The following DYNC1LI1 variants were observed in gnomAD, a reference collection of about 807,000 sequenced individuals.
The protein encoded by DYNC1LI1 is dynein cytoplasmic 1 light intermediate chain 1.
A neutral mutation model predicts 63.8 loss-of-function variants in DYNC1LI1; 19 were observed. The ratio of observed to expected loss-of-function variants is 0.30; its 90% CI spans 0.21 to 0.44. The LOEUF (loss-of-function observed/expected upper bound fraction) is 0.44, where lower values mean the gene tolerates loss of function less well. DYNC1LI1 is among the 20% of genes least tolerant of loss of function. DYNC1LI1 has a pLI of 1.00. For missense variants in DYNC1LI1, 565 were observed against 630.2 expected, an observed-to-expected ratio of 0.90 and a Z score of 1.11; for synonymous variants, 225 against 232.3, an observed-to-expected ratio of 0.97 and a Z score of 0.28.
At chr3:32,539,737 A>G (rs1311002209) in intron 5 of DYNC1LI1, among the ~76,000 whole-genome samples, 18 of 149,500 alleles carry the variant, frequency 1.2e-4, no homozygotes, top group Admixed American at 2.0e-4. Context: ...GGGTTTCACC[A>G]TGTTAGCCAG....
intron 2 of DYNC1LI1, among the ~76,000 whole-genome samples, chr3:32,567,855 C>A (rs1265064772): frequency 1.3e-5 from 2 of 152,114 alleles, no homozygotes; most frequent in African/African-American, 4.8e-5. Flanking sequence ...AGGTGTGTGC[C>A]ACCATGCCCA....
chr3:32,546,457 C>A (rs1415494206), intron 2 of DYNC1LI1, among the ~76,000 whole-genome samples: 1 of 152,126 alleles, frequency 6.6e-6, no homozygotes, highest in Admixed American at 6.6e-5. Context: ...GACCAGGATT[C>A]TCTCTCCGTC....
At chr3:32,530,375 T>C in intron 9 of DYNC1LI1, 47 bp from the exon 10 acceptor site, 1 of 1,580,654 alleles carries the variant, frequency 6.3e-7, no homozygotes, top group Non-Finnish European at 8.6e-7. Flanking sequence ...ATTCATAGCA[T>C]ATACTGGTGT....
At chr3:32,532,485 GTGTATA>G (rs1697712619) in intron 8 of DYNC1LI1, 4 of 122,274 alleles carry the variant, frequency 3.3e-5, no homozygotes, top group South Asian at 2.8e-4. Context: ...AAAAAAATGT[GTGTATA>G]TATATATATA....
intron 6 of DYNC1LI1, among the ~76,000 whole-genome samples, chr3:32,536,087 A>G (rs1398811995): frequency 3.9e-5 from 6 of 152,170 alleles, no homozygotes; most frequent in Non-Finnish European, 7.4e-5. Flanking sequence ...AAAGGCCCAT[A>G]AAGAGAAAGA....
chr3:32,547,881 GAATA>G (rs1281422130), intron 2 of DYNC1LI1, among the ~76,000 whole-genome samples: 1 of 151,960 alleles, frequency 6.6e-6, no homozygotes, highest in Admixed American at 6.6e-5. Flanking sequence ...ATCAACAAAT[GAATA>G]GATAAGGAAA....
intron 2 of DYNC1LI1, among the ~76,000 whole-genome samples, chr3:32,548,818 C>T (rs1057251732): frequency 1.3e-5 from 2 of 152,024 alleles, no homozygotes; most frequent in Non-Finnish European, 2.9e-5. Flanking sequence ...TTCCATAATG[C>T]ATATATATAC....
intron 8 of DYNC1LI1, chr3:32,530,848 T>A (rs342722): frequency 4.3e-6 from 1 of 235,208 alleles, no homozygotes; most frequent in East Asian, 8.9e-5. Context: ...AAAAGGCATA[T>A]GAGGCAAGTG....
At chr3:32,558,992 G>A (rs1390997198) in intron 2 of DYNC1LI1, among the ~76,000 whole-genome samples, 2 of 151,766 alleles carry the variant, frequency 1.3e-5, no homozygotes, top group East Asian at 1.9e-4. Context: ...ATCGAGGAGA[G>A]TAAGATCAGA....
At chr3:32,553,448 TC>T (rs1698071094) in intron 2 of DYNC1LI1, among the ~76,000 whole-genome samples, 1 of 152,188 alleles carries the variant, frequency 6.6e-6, no homozygotes, top group Admixed American at 6.5e-5. Flanking sequence ...ACAAATTTCG[TC>T]CCCTTACCTA....
intron 5 of DYNC1LI1, among the ~76,000 whole-genome samples, chr3:32,540,795 T>C (rs373805588): frequency 1.3e-5 from 2 of 152,176 alleles, no homozygotes; most frequent in Non-Finnish European, 2.9e-5. Context: ...TGAAGTTCAA[T>C]TGGAATTATG....
chr3:32,536,430 A>C (rs1697774471), intron 6 of DYNC1LI1, among the ~76,000 whole-genome samples: 1 of 152,134 alleles, frequency 6.6e-6, no homozygotes, highest in Non-Finnish European at 1.5e-5. Context: ...TCCCTATTTT[A>C]GCTGTAATTA....
At chr3:32,560,536 A>G (rs1487752294) in intron 2 of DYNC1LI1, among the ~76,000 whole-genome samples, 2 of 152,192 alleles carry the variant, frequency 1.3e-5, no homozygotes, top group Non-Finnish European at 2.9e-5. Context: ...GGTACCTAGC[A>G]GAACACCCAA....
intron 8 of DYNC1LI1, 88 bp from the exon 9 acceptor site, chr3:32,530,608 AAC>A: frequency 8.2e-7 from 1 of 1,216,464 alleles, no homozygotes; most frequent in Non-Finnish European, 1.2e-6. Context: ...CTAATTAAAA[AAC>A]AGTTCAAGAA....
At chr3:32,561,289 T>C (rs1698190228) in intron 2 of DYNC1LI1, among the ~76,000 whole-genome samples, 1 of 151,576 alleles carries the variant, frequency 6.6e-6, no homozygotes, top group South Asian at 2.1e-4. Context: ...GAATAATACT[T>C]AGTATTGGCA....
intron 2 of DYNC1LI1, among the ~76,000 whole-genome samples, chr3:32,562,530 A>G (rs1047529304): frequency 6.6e-5 from 10 of 152,226 alleles, no homozygotes; most frequent in Non-Finnish European, 1.3e-4. Flanking sequence ...TTGTAGAGGC[A>G]GAGTCTTGCT....
At chr3:32,540,736 AC>A (rs1430754534) in intron 5 of DYNC1LI1, among the ~76,000 whole-genome samples, 9 of 152,098 alleles carry the variant, frequency 5.9e-5, no homozygotes, top group Non-Finnish European at 5.9e-5. Flanking sequence ...AAACCAATAA[AC>A]TATCATTTTA....
At chr3:32,551,150 T>C (rs973611896) in intron 2 of DYNC1LI1, among the ~76,000 whole-genome samples, 2 of 152,092 alleles carry the variant, frequency 1.3e-5, no homozygotes, top group Non-Finnish European at 1.5e-5. Flanking sequence ...TTTCAAGATA[T>C]TGTCATTACA....
intron 8 of DYNC1LI1, 91 bp from the exon 9 acceptor site, chr3:32,530,611 A>C (rs1697683285): frequency 1.7e-6 from 2 of 1,193,040 alleles, no homozygotes; most frequent in Non-Finnish European, 2.4e-6. Context: ...ATTAAAAAAC[A>C]GTTCAAGAAT....
Sources: allele counts gnomAD v4.1 joint callset (sites outside exome capture counted in the v4.1 genomes callset), GRCh38; gene constraint gnomAD v4.1.1; transcripts MANE v1.5; gene names NCBI Gene and HGNC (gene_info 2026-07-23, HGNC 2026-07-21).